RGL1: variants seen among roughly 807,000 people sequenced by gnomAD.
The protein encoded by RGL1 is ral guanine nucleotide dissociation stimulator-like 1.
A neutral mutation model predicts 95.2 loss-of-function variants in RGL1; 24 were observed. The observed-to-expected ratio is 0.25, with a 90% CI of 0.18 to 0.35. The LOEUF is 0.35. Ranked by LOEUF, RGL1 falls within the 10% of genes least tolerant of loss-of-function variation. RGL1 has a pLI of 1.00. For synonymous variants in RGL1, 329 were observed against 344.9 expected (o/e 0.95, Z 0.51); for missense variants, 715 against 936.3 (o/e 0.76, Z 3.08).
intron 2 of RGL1, among the ~76,000 whole-genome samples, chr1:183,819,894 C>A (rs1421498592): frequency 6.6e-6 from 1 of 151,750 alleles, no homozygotes; most frequent in Non-Finnish European, 1.5e-5. Context: ...AAAGGGTTCT[C>A]CTGCCTCAGC....
chr1:183,769,286 C>T (rs1659157550), intron 2 of RGL1, among the ~76,000 whole-genome samples: 1 of 152,180 alleles, frequency 6.6e-6, no homozygotes. Flanking sequence ...AAAAATTGCA[C>T]AAAGATCATT....
upstream of RGL1, among the ~76,000 whole-genome samples, chr1:183,801,094 A>G (rs1429371140): frequency 6.6e-6 from 1 of 151,702 alleles, no homozygotes. Flanking sequence ...TCCTACTAAC[A>G]GTGCACAAGG....
At chr1:183,825,110 G>A (rs1291194723) in intron 2 of RGL1, among the ~76,000 whole-genome samples, 2 of 152,196 alleles carry the variant, frequency 1.3e-5, no homozygotes, top group African/African-American at 2.4e-5. Context: ...TTTGAACAAA[G>A]AGAACAGTGG....
At chr1:183,774,030 C>G (rs1383024187) in intron 2 of RGL1, among the ~76,000 whole-genome samples, 1 of 151,990 alleles carries the variant, frequency 6.6e-6, no homozygotes, top group Non-Finnish European at 1.5e-5. Flanking sequence ...AAACTGCTGA[C>G]AGTATTGTCA....
At chr1:183,889,042 C>A (rs1264441733) in intron 8 of RGL1, among the ~76,000 whole-genome samples, 3 of 152,136 alleles carry the variant, frequency 2.0e-5, no homozygotes, top group African/African-American at 7.2e-5. Context: ...ATCTTATTGG[C>A]ATTAAAAACC....
chr1:183,909,413 T>C (rs1461504200), intron 14 of RGL1, among the ~76,000 whole-genome samples: 1 of 152,150 alleles, frequency 6.6e-6, no homozygotes, highest in East Asian at 1.9e-4. Context: ...ATTGTAGAAA[T>C]GGAAGAACCC....
intron 1 of RGL1, chr1:183,709,347 C>T (rs1458611356): frequency 6.6e-6 from 1 of 152,294 alleles, no homozygotes; most frequent in Non-Finnish European, 1.5e-5. Flanking sequence ...GAGCACAGGG[C>T]TAGGGTAGGA....
In RGL1 at chr1:183,870,590, G is replaced by C. The variant is rs1334662439; in HGVS notation, c.425+4517G>C. 2.0e-5 allele frequency among the ~76,000 whole-genome samples: 3 copies of C among 152,252 alleles called. No individual in the cohort carries two copies. In the East Asian group the frequency reaches 5.8e-4, roughly 29 times the overall value. ...GGCCTTGAGCTTTGGGACTGGGCCT[G>C]AGAAGGGAGGAGTTACTCATCCCTT... On this transcript the variant is annotated intron_variant, in intron 4 of 17. Coordinates refer to ENST00000360851, the MANE Select transcript of RGL1 (RefSeq NM_001297671.3).
intron 2 of RGL1, among the ~76,000 whole-genome samples, chr1:183,809,882 G>A (rs564837253): frequency 6.6e-6 from 1 of 152,280 alleles, no homozygotes; most frequent in Non-Finnish European, 1.5e-5. Context: ...GCGTGAGCCA[G>A]GGTGGTCAAG....
chr1:183,674,120 G>C (rs1458800412), intron 1 of RGL1, among the ~76,000 whole-genome samples: 3 of 152,032 alleles, frequency 2.0e-5, no homozygotes, highest in African/African-American at 7.2e-5. Flanking sequence ...TCCCTGATTT[G>C]AGGGTTTGTA....
intron 1 of RGL1, among the ~76,000 whole-genome samples, chr1:183,692,856 A>G (rs1444798143): frequency 1.3e-5 from 2 of 152,198 alleles, no homozygotes; most frequent in Non-Finnish European, 2.9e-5. Flanking sequence ...ACACACATCT[A>G]TATGCATTAA....
rs555216663 is a variant in RGL1, at chr1:183,927,545, A to G, written c.*1253A>G. 2 of 152,608 alleles carry G rather than the reference A, an allele frequency of 1.3e-5. No individual in the cohort carries two copies. The highest frequency in any genetic ancestry group is 1.9e-4 in the East Asian group (1 of 5,184). 9.5% of individuals were successfully genotyped at this position (152,608 alleles called of 1,614,324 possible). On this transcript the variant is annotated 3_prime_UTR_variant, in exon 18 of 18. Transcript: ENST00000360851. ...AGGTACATTCTTCCAGATGGAATCAATAACTTTTTTTTTTCCAGGTTCCCG... is the reference window on the plus strand; with the variant it reads ...AGGTACATTCTTCCAGATGGAATCAGTAACTTTTTTTTTTCCAGGTTCCCG...
intron 1 of RGL1, among the ~76,000 whole-genome samples, chr1:183,659,769 G>C (rs948586578): frequency 2.0e-3 from 298 of 151,498 alleles, no homozygotes; most frequent in Non-Finnish European, 2.1e-3. Flanking sequence ...ATTCACCAAA[G>C]TTGAAATGAA....
Position 183,916,574 on chromosome 1 carries a change from GCT to G in RGL1, c.1880_1881del (p.Ser627CysfsTer20). 1 of 1,613,366 alleles carries G rather than the reference GCT, an allele frequency of 6.2e-7. No homozygotes were observed. Among genetic ancestry groups the G allele is most frequent in the South Asian group, 1.1e-5 (1 of 91,000 alleles). On this transcript the variant is annotated frameshift_variant, in exon 16 of 18. Transcript: ENST00000360851. LOFTEE classifies it high-confidence loss of function. ...AACAACAACCCCAAAATCCACAAGC[GCT>G]CTGTCTCGGTGACGTCCATTACCTC...
intron 2 of RGL1, among the ~76,000 whole-genome samples, chr1:183,796,438 A>C (rs1300592205): frequency 6.6e-6 from 1 of 152,302 alleles, no homozygotes; most frequent in East Asian, 1.9e-4. Context: ...CTGGGATTAC[A>C]GGCGTGAGCC....
intron 1 of RGL1, among the ~76,000 whole-genome samples, chr1:183,656,127 A>ATTTT (rs1553266942): frequency 1.3e-5 from 1 of 75,926 alleles, no homozygotes; most frequent in African/African-American, 5.3e-5. Flanking sequence ...TTTTTTTCTC[A>ATTTT]TGAAAACAGG....
intron 3 of RGL1, among the ~76,000 whole-genome samples, chr1:183,849,302 G>C (rs1405739119): frequency 6.6e-6 from 1 of 151,774 alleles, no homozygotes; most frequent in Non-Finnish European, 1.5e-5. Flanking sequence ...TACTCATTAA[G>C]TGAATTAGTA....
intron 9 of RGL1, among the ~76,000 whole-genome samples, chr1:183,896,370 C>T (rs1197461309): frequency 6.6e-6 from 1 of 152,142 alleles, no homozygotes; most frequent in Non-Finnish European, 1.5e-5. Context: ...TTCATTCATC[C>T]CTGTGAAAAA....
chr1:183,813,862 A>G (rs955580686), intron 2 of RGL1, among the ~76,000 whole-genome samples: 4 of 152,158 alleles, frequency 2.6e-5, no homozygotes, highest in African/African-American at 9.7e-5. Flanking sequence ...GTTTACTGCT[A>G]CCTCCTCTCA....
Sources: gnomAD v4.1 joint callset for allele counts (sites outside exome capture counted in the v4.1 genomes callset) on GRCh38, gnomAD v4.1.1 for gene constraint, MANE v1.5 for transcripts, NCBI Gene and HGNC (gene_info 2026-07-23, HGNC 2026-07-21) for gene names.